The following PDS5B variants were observed in gnomAD, a reference collection of about 807,000 sequenced individuals.
PDS5B encodes PDS5 cohesin associated factor B, also known as sister chromatid cohesion protein PDS5 homolog B.
A neutral mutation model predicts 184.1 loss-of-function variants in PDS5B; 51 were observed. That is an observed-to-expected ratio of 0.28 (90% CI 0.22 to 0.35). PDS5B has a LOEUF of 0.35. Ranked by LOEUF, PDS5B falls within the 10% of genes least tolerant of loss-of-function variation. The pLI, the probability that PDS5B is intolerant of heterozygous loss-of-function variation, is 1.00. For missense variants in PDS5B, 1,180 were observed against 1,723.3 expected (o/e 0.68, Z 5.58); for synonymous variants, 566 against 569.2 (o/e 0.99, Z 0.08).
At chr13:32,746,517 A>C (rs2140983556) in intron 24 of PDS5B, among the ~76,000 whole-genome samples, 1 of 152,228 alleles carries the variant, frequency 6.6e-6, no homozygotes, top group East Asian at 1.9e-4. Flanking sequence ...AGCCAACAGC[A>C]CTGTAACTCA....
At chr13:32,633,496 T>TA (rs1031420792) in intron 1 of PDS5B, among the ~76,000 whole-genome samples, 5 of 152,208 alleles carry the variant, frequency 3.3e-5, no homozygotes, top group African/African-American at 9.6e-5. Flanking sequence ...CCAGGAAGCA[T>TA]ATAAGGTAGA....
At chr13:32,754,646 GT>G (rs1477623747) in intron 25 of PDS5B, among the ~76,000 whole-genome samples, 1 of 151,858 alleles carries the variant, frequency 6.6e-6, no homozygotes, top group South Asian at 2.1e-4. Flanking sequence ...CACTTCTGCC[GT>G]TTACCTGTCG....
At chr13:32,635,169 C>CG (rs2058522680) in intron 1 of PDS5B, among the ~76,000 whole-genome samples, 7 of 97,266 alleles carry the variant, frequency 7.2e-5, no homozygotes, top group Non-Finnish European at 1.2e-4. Flanking sequence ...CAGCCAATTA[C>CG]GTTTTTTTTT....
intron 1 of PDS5B, among the ~76,000 whole-genome samples, chr13:32,618,162 C>T (rs1593269971): frequency 1.3e-5 from 2 of 152,254 alleles, no homozygotes; most frequent in South Asian, 2.1e-4. Context: ...AGGCCCCAGC[C>T]TCTCAATACT....
intron 20 of PDS5B, 100 bp from the exon 21 acceptor site, chr13:32,735,068 AAAAT>A: frequency 1.5e-6 from 1 of 672,636 alleles, no homozygotes; most frequent in Non-Finnish European, 2.3e-6. Flanking sequence ...TTTGAATTAC[AAAAT>A]AAATTACAAA....
intron 9 of PDS5B, among the ~76,000 whole-genome samples, chr13:32,678,276 C>G (rs1310917334): frequency 6.6e-6 from 1 of 152,154 alleles, no homozygotes; most frequent in African/African-American, 2.4e-5. Flanking sequence ...TACATATTTA[C>G]AGATGTAATG....
intron 1 of PDS5B, among the ~76,000 whole-genome samples, chr13:32,594,381 T>C (rs1275253623): frequency 6.6e-6 from 1 of 152,222 alleles, no homozygotes; most frequent in Non-Finnish European, 1.5e-5. Context: ...TGGTGCACAG[T>C]GCTGGCTAGA....
At position 32,775,201 on chromosome 13, in the gene PDS5B, A is replaced by G. The variant is rs759010070; in HGVS notation, c.*149A>G. The G allele has an allele frequency of 2.0e-4, 135 of 663,174 alleles. No homozygotes were observed. Among genetic ancestry groups the G allele is most frequent in the Non-Finnish European group, 3.3e-4 (128 of 386,678 alleles). The allele number at this position is 663,174 out of a possible 1,614,324, so 41.1% of individuals were successfully genotyped here. ...TTGGACCTTACTTTGGTGACCCCAT[A>G]CATTTGTGGTCACATGCTTTAGCCA... On this transcript the variant is annotated 3_prime_UTR_variant, in exon 35 of 35. Coordinates refer to ENST00000315596, the MANE Select transcript of PDS5B (RefSeq NM_015032.4).
intron 1 of PDS5B, among the ~76,000 whole-genome samples, chr13:32,622,131 C>A (rs2058311063): frequency 6.6e-6 from 1 of 151,218 alleles, no homozygotes; most frequent in African/African-American, 2.4e-5. Flanking sequence ...TTTCTCTGTT[C>A]TTTGATTTCA....
intron 13 of PDS5B, chr13:32,691,282 TTTTTTC>T (rs1446226628): frequency 6.6e-6 from 1 of 152,056 alleles, no homozygotes; most frequent in African/African-American, 2.4e-5. Context: ...TTGTGTGTCT[TTTTTTC>T]TATTCTATTT....
chr13:32,602,348 T>G (rs1030934810), intron 1 of PDS5B, among the ~76,000 whole-genome samples: 3 of 152,136 alleles, frequency 2.0e-5, no homozygotes, highest in South Asian at 2.1e-4. Flanking sequence ...ACATGTGGTG[T>G]TTGGTTTTCT....
At chr13:32,699,063 C>T (rs1179418722) in intron 15 of PDS5B, among the ~76,000 whole-genome samples, 1 of 152,190 alleles carries the variant, frequency 6.6e-6, no homozygotes, top group Non-Finnish European at 1.5e-5. Flanking sequence ...ATGCTATATT[C>T]TAGTCTGGCT....
intron 1 of PDS5B, among the ~76,000 whole-genome samples, chr13:32,601,104 A>G: frequency 6.6e-6 from 1 of 152,240 alleles, no homozygotes; most frequent in South Asian, 2.1e-4. Context: ...GTAATGCTGT[A>G]CAAATTTGAA....
rs1950986538 is a variant in PDS5B at position 32,673,438 on chromosome 13, GT to G, written c.846+86del. ...TTATAGCTTTTTAATTTTTACAGTA[GT>G]TTTAACTGAATGTAAGAGATGAGGG... On this transcript the variant is annotated intron_variant, in intron 8 of 34. Transcript: ENST00000315596. 5 of 1,146,238 alleles carry G rather than the reference GT, an allele frequency of 4.4e-6. No homozygotes were observed. The East Asian group carries it at 1.2e-4, about 28-fold the overall frequency. The allele number at this position is 1,146,238 out of a possible 1,614,324, so 71.0% of individuals were successfully genotyped here.
intron 1 of PDS5B, among the ~76,000 whole-genome samples, chr13:32,606,557 T>C (rs181168054): frequency 6.6e-6 from 1 of 152,328 alleles, no homozygotes; most frequent in African/African-American, 2.4e-5. Context: ...GGAGTTGCCC[T>C]TCTCGAGGAG....
At chr13:32,708,331 C>G (rs982887857) in intron 18 of PDS5B, among the ~76,000 whole-genome samples, 4 of 152,208 alleles carry the variant, frequency 2.6e-5, no homozygotes, top group African/African-American at 9.6e-5. Flanking sequence ...GGCTAATCCT[C>G]ACTTTGGGAC....
At chr13:32,753,286 C>A in intron 24 of PDS5B, 46 bp from the exon 25 acceptor site, 1 of 1,497,656 alleles carries the variant, frequency 6.7e-7, no homozygotes, top group South Asian at 1.2e-5. Context: ...AGTTGTTACT[C>A]TTTGCTGCCA....
chr13:32,716,670 G>GT (rs1952438165), intron 19 of PDS5B, among the ~76,000 whole-genome samples: 1 of 137,866 alleles, frequency 7.3e-6, no homozygotes, highest in African/African-American at 2.7e-5. Context: ...GAGGTGGGGG[G>GT]GGTCAGCCCC....
At chr13:32,725,324 C>T (rs539247066) in intron 19 of PDS5B, among the ~76,000 whole-genome samples, 2 of 152,250 alleles carry the variant, frequency 1.3e-5, no homozygotes, top group South Asian at 2.1e-4. Context: ...TGATCACATG[C>T]ATTGATGCCC....
Sources: allele counts gnomAD v4.1 joint callset (sites outside exome capture counted in the v4.1 genomes callset), GRCh38; gene constraint gnomAD v4.1.1; transcripts MANE v1.5; gene names NCBI Gene and HGNC (gene_info 2026-07-23, HGNC 2026-07-21).